RGS3: variants seen among roughly 807,000 people sequenced by gnomAD.
The protein encoded by RGS3 is regulator of G protein signaling 3, also known as regulator of G-protein signalling 3.
Under a neutral mutation model 132.6 loss-of-function variants are expected in RGS3, and 80 were observed. That is an observed-to-expected ratio of 0.60 (90% CI 0.50 to 0.73). The LOEUF (loss-of-function observed/expected upper bound fraction) is 0.73. Ranked by LOEUF, RGS3 falls within the 30% of genes least tolerant of loss-of-function variation. The pLI, the probability that RGS3 is intolerant of heterozygous loss-of-function variation, is 0.00. For synonymous variants in RGS3, 598 were observed against 620.6 expected, an observed-to-expected ratio of 0.96 and a Z score of 0.54; for missense variants, 1,382 against 1,530.8, an observed-to-expected ratio of 0.90 and a Z score of 1.62.
In RGS3 at chr9:113,541,269, G is replaced by A. The variant is rs1388867508; in HGVS notation, c.2037+4351G>A. 4.9e-5 allele frequency: 77 copies of A among 1,586,816 alleles called. No homozygotes were observed. In the East Asian group the frequency reaches 1.7e-3, roughly 35 times the overall value. ...CAGAGGCAGGTCCTGCAGTCAGGCA[G>A]CCCGGCCTGAGTAGACAGCGAGCTA... On this transcript the variant is annotated intron_variant, in intron 19 of 24. Coordinates refer to ENST00000350696, the Ensembl canonical transcript of RGS3.
Position 113,463,024 on chromosome 9 carries a change from C to T in RGS3, c.415+823C>T, listed in dbSNP as rs981798525. On this transcript the variant is annotated intron_variant, in intron 3 of 24. Transcript: ENST00000350696. The surrounding 1 kb of genome is among the most constrained non-coding windows in gnomAD (Gnocchi z 4.6). ...AGGGTTTGACCTTCCAGCTCTGCCT[C>T]CCCGCACCAGGCTGGGGGATTCACC... Among the ~76,000 whole-genome samples the T allele has an allele frequency of 2.6e-5, 4 of 152,216 alleles. No homozygotes were observed. Among genetic ancestry groups the T allele is most frequent in the African/African-American group, 9.6e-5 (4 of 41,454 alleles).
At chr9:113,492,946 A>G (rs1830566484) in intron 7 of RGS3, among the ~76,000 whole-genome samples, 1 of 152,202 alleles carries the variant, frequency 6.6e-6, no homozygotes, top group Non-Finnish European at 1.5e-5. Context: ...GGGAATGAAG[A>G]TTTCGCTTAG....
intron 16 of RGS3, among the ~76,000 whole-genome samples, chr9:113,518,958 T>C (rs1033003347): frequency 6.6e-6 from 1 of 152,212 alleles, no homozygotes; most frequent in Non-Finnish European, 1.5e-5. Context: ...CAGTTAGAGA[T>C]GGCAGCCACC....
intron 6 of RGS3, among the ~76,000 whole-genome samples, chr9:113,484,927 A>G (rs1830281736): frequency 6.6e-6 from 1 of 152,130 alleles, no homozygotes; most frequent in South Asian, 2.1e-4. Context: ...AATAGAAAAC[A>G]CCTATAGCCC....
upstream of RGS3, among the ~76,000 whole-genome samples, chr9:113,456,192 T>C (rs1164098318): frequency 6.6e-6 from 1 of 152,236 alleles, no homozygotes; most frequent in Non-Finnish European, 1.5e-5. Flanking sequence ...GTCCTGAGCT[T>C]TCTCACATTA....
At chr9:113,508,183 A>G (rs914419504) in intron 13 of RGS3, among the ~76,000 whole-genome samples, 3 of 152,214 alleles carry the variant, frequency 2.0e-5, no homozygotes, top group Admixed American at 1.3e-4. Flanking sequence ...TGTCAACCAA[A>G]TAACACCGCA....
At chr9:113,450,590 C>T (rs1262437081) in intron 1 of RGS3, among the ~76,000 whole-genome samples, 3 of 151,932 alleles carry the variant, frequency 2.0e-5, no homozygotes. Flanking sequence ...AGAGGTGGTG[C>T]TGGGCCCTGG....
Position 113,591,367 on chromosome 9 carries a change from A to G in RGS3, c.3050A>G (p.Glu1017Gly). ...GCTGACACCGTTGGGGATGATGACG[A>G]AGCCTCCCGGAAGAGAAAGAGCAAA... Residue 1017 changes from glutamate to glycine, a missense_variant, in exon 21 of 25, where the codon GAA becomes GGA. Coordinates refer to ENST00000350696, the Ensembl canonical transcript of RGS3. This position sits in a 1 kb window ranked among gnomAD's most constrained non-coding sequence, Gnocchi z 4.4. 1 of 1,613,668 alleles carries G rather than the reference A, an allele frequency of 6.2e-7. No individual in the cohort carries two copies. The highest frequency in any genetic ancestry group is 8.5e-7 in the Non-Finnish European group (1 of 1,179,932).
chr9:113,491,058 A>T (rs1478436554), intron 7 of RGS3, among the ~76,000 whole-genome samples: 1 of 139,472 alleles, frequency 7.2e-6, no homozygotes, highest in Non-Finnish European at 1.5e-5. Context: ...TAACTTAATT[A>T]TAATTATATA....
At position 113,575,616 on chromosome 9, in the gene RGS3, T is replaced by C. The variant is rs114739362; in HGVS notation, c.2038-7834T>C. Among the ~76,000 whole-genome samples the C allele has an allele frequency of 4.3e-3, 662 of 152,222 alleles. 4 individuals carry two copies. Among genetic ancestry groups the C allele is most frequent in the African/African-American group, 0.015 (609 of 41,538 alleles). On this transcript the variant is annotated intron_variant, in intron 19 of 24. Transcript: ENST00000350696. ...GTCCTGGGCGAGGTTCTGGGCTGGA[T>C]TTTAGTGCTGATTCTGTTGTATGAC...
chr9:113,584,236 C>T lies in RGS3; in HGVS notation c.2824C>T (p.His942Tyr), dbSNP rs144903962. The change falls in exon 20 of 25, where the codon CAC becomes TAC. Residue 942 changes from histidine (H) to tyrosine (Y), a missense_variant. His to Tyr is a moderately conservative substitution (Grantham distance 83). Transcript: ENST00000350696. ...GCAGAACTCGCTGCGGCGCCGGACG[C>T]ACAGCGAGGGCAGCCTGCTGCAGGA... is the stretch of plus-strand genomic sequence containing the variant. 6.5e-4 allele frequency: 1,040 copies of T among 1,611,842 alleles called. 8 individuals carry two copies. Among genetic ancestry groups the T allele is most frequent in the South Asian group, 4.8e-3 (440 of 90,970 alleles).
At chr9:113,594,359 T>C (rs752779155) in intron 21 of RGS3, 71 bp from the exon 20 acceptor site, 1 of 1,598,214 alleles carries the variant, frequency 6.3e-7, no homozygotes, top group South Asian at 1.1e-5. Context: ...TCGACCCAGC[T>C]CTCCCGACTC....
rs758491951 is a variant in RGS3, at chr9:113,505,566, C to G, written c.979+43C>G. On this transcript the variant is annotated intron_variant, in intron 11 of 24. Coordinates refer to ENST00000350696, the Ensembl canonical transcript of RGS3. ...GGATGCCAACCCCACTTGCCCACCA[C>G]ACATGTGGGCTTTGCAAACATAGTC... 6.1e-6 allele frequency: 9 copies of G among 1,469,440 alleles called. No individual in the cohort carries two copies. In the East Asian group the frequency reaches 1.8e-4, roughly 30 times the overall value. The allele number at this position is 1,469,440 out of a possible 1,614,324, so 91.0% of individuals were successfully genotyped here.
chr9:113,508,272 C>T (rs1456843046), intron 13 of RGS3, among the ~76,000 whole-genome samples: 1 of 152,172 alleles, frequency 6.6e-6, no homozygotes, highest in Non-Finnish European at 1.5e-5. Flanking sequence ...CCCTAGAATG[C>T]ACTTTGGAAC....
intron 23 of RGS3, 33 bp downstream of exon 21, chr9:113,595,013 C>T (rs1182208760): frequency 6.3e-7 from 1 of 1,596,746 alleles, no homozygotes; most frequent in African/African-American, 1.3e-5. Context: ...CTCCCTGTGC[C>T]CTCTCTCCCT....
rs1564438117 is a variant in RGS3, at chr9:113,453,278, CATTATATGATTACATAATATACTCATT to C, written c.-12-6964_-12-6938del. 1.1e-3 allele frequency among the ~76,000 whole-genome samples: 76 copies of C among 66,370 alleles called. 2 individuals are homozygous for C. Among genetic ancestry groups the C allele is most frequent in the African/African-American group, 4.1e-3 (67 of 16,492 alleles). 43.5% of individuals were successfully genotyped at this position (66,370 alleles called of 152,430 possible). A position where few individuals can be genotyped will look rare whatever the true frequency, so the allele number is the denominator to read the frequency against. Reference sequence around the variant, plus strand: ...TCATTATATGATTACATAATATACTCATTATATGATTACATAATATACTCATTATATGATTACATAATATACTCATTA... The same window carrying C: ...TCATTATATGATTACATAATATACTCATATGATTACATAATATACTCATTA... On this transcript the variant is annotated intron_variant, in intron 1 of 25. Coordinates refer to the RGS3 transcript ENST00000374140.
intron 1 of RGS3, among the ~76,000 whole-genome samples, chr9:113,447,323 G>GTGTATA (rs1829126189): frequency 3.4e-5 from 1 of 29,412 alleles, no homozygotes; most frequent in Non-Finnish European, 6.8e-5. Flanking sequence ...TCTGATGTAT[G>GTGTATA]TATATGTATA....
In RGS3 at chr9:113,463,606, T is replaced by A; in HGVS notation, c.415+1405T>A. 1.9e-4 allele frequency: 126 copies of A among 666,742 alleles called. No individual in the cohort carries two copies. The highest frequency in any genetic ancestry group is 6.0e-4 in the Middle Eastern group (1 of 1,654). 41.3% of individuals were successfully genotyped at this position (666,742 alleles called of 1,614,324 possible). ...GCCGCCTCCCCCACCCCGGCCCAGC[T>A]CTGCTCCGGCAGGTGGAACTCTCCC... On this transcript the variant is annotated intron_variant, in intron 3 of 24. Transcript: ENST00000350696. This position sits in a 1 kb window ranked among gnomAD's most constrained non-coding sequence, Gnocchi z 4.6.
At chr9:113,597,061 T>G in exon 25 of RGS3, 1 of 886,896 alleles carries the variant, frequency 1.1e-6, no homozygotes, top group South Asian at 1.7e-5. Context: ...CCAGAGGCTG[T>G]GTCTCTGGAC....
Sources: allele counts gnomAD v4.1 joint callset (sites outside exome capture counted in the v4.1 genomes callset), GRCh38; gene constraint gnomAD v4.1.1; non-coding constraint Gnocchi (gnomAD v3.1); transcripts MANE v1.5; gene names NCBI Gene and HGNC (gene_info 2026-07-23, HGNC 2026-07-21).